The following SPEF2 variants were observed in gnomAD, a reference collection of about 807,000 sequenced individuals.
SPEF2 encodes sperm flagella and cilia-associated protein 2.
SPEF2 carries 187 observed loss-of-function variants against 224.6 expected under a neutral mutation model. The ratio of observed to expected loss-of-function variants is 0.83; its 90% CI spans 0.74 to 0.94. The LOEUF (loss-of-function observed/expected upper bound fraction) is 0.94. SPEF2 is among the 40% of genes least tolerant of loss of function. The pLI is 0.00. For missense variants in SPEF2, 2,170 were observed against 2,135.6 expected (o/e 1.02, Z -0.32); for synonymous variants, 715 against 707.3 (o/e 1.01, Z -0.17).
At chr5:35,713,054 C>T (rs1171403177) in intron 20 of SPEF2, among the ~76,000 whole-genome samples, 168 bp downstream of exon 20, 4 of 152,112 alleles carry the variant, frequency 2.6e-5, no homozygotes, top group African/African-American at 4.8e-5. Flanking sequence ...TGCATCCTGG[C>T]GCTTACCAAA....
intron 27 of SPEF2, among the ~76,000 whole-genome samples, chr5:35,772,376 A>C (rs938725421): frequency 6.6e-5 from 10 of 152,174 alleles, no homozygotes; most frequent in African/African-American, 2.4e-4. Flanking sequence ...GAAATGCTCT[A>C]GATGGATGCC....
chr5:35,743,017 AT>A (rs1214902886), intron 23 of SPEF2, among the ~76,000 whole-genome samples: 1 of 151,382 alleles, frequency 6.6e-6, no homozygotes, highest in African/African-American at 2.4e-5. Flanking sequence ...ATCTCATTTT[AT>A]TTTTTTCAGA....
At chr5:35,769,411 A>T (rs1156833216) in intron 26 of SPEF2, among the ~76,000 whole-genome samples, 1 of 152,090 alleles carries the variant, frequency 6.6e-6, no homozygotes, top group African/African-American at 2.4e-5. Context: ...GCAAAGGGAG[A>T]AAGAAAGAAA....
At chr5:35,765,915 T>C (rs1445928155) in intron 26 of SPEF2, among the ~76,000 whole-genome samples, 1 of 152,134 alleles carries the variant, frequency 6.6e-6, no homozygotes, top group Non-Finnish European at 1.5e-5. Flanking sequence ...TTTCTGTTAA[T>C]ATGAAAAATC....
chr5:35,780,587 A>G (rs1406515875), intron 30 of SPEF2, among the ~76,000 whole-genome samples: 3 of 152,202 alleles, frequency 2.0e-5, no homozygotes, highest in African/African-American at 7.2e-5. Flanking sequence ...TCAGTCCTTT[A>G]GTCAGACAGA....
intron 28 of SPEF2, among the ~76,000 whole-genome samples, chr5:35,775,321 A>C (rs1561345143): frequency 6.6e-6 from 1 of 152,112 alleles, no homozygotes; most frequent in Non-Finnish European, 1.5e-5. Context: ...GGAGTTCCTG[A>C]CTTACCAACG....
chr5:35,780,016 G>A (rs1369947927), intron 30 of SPEF2, among the ~76,000 whole-genome samples: 3 of 152,178 alleles, frequency 2.0e-5, no homozygotes, highest in Middle Eastern at 6.8e-3. Flanking sequence ...AGATCACATA[G>A]GATTATCATC....
intron 20 of SPEF2, 90 bp downstream of exon 20, chr5:35,712,976 C>CAAATCT: frequency 2.6e-6 from 3 of 1,134,484 alleles, no homozygotes; most frequent in South Asian, 1.5e-5. Flanking sequence ...TAGTAGTATA[C>CAAATCT]ATTGACCACT....
At chr5:35,731,194 C>T (rs547933405) in intron 21 of SPEF2, among the ~76,000 whole-genome samples, 1 of 152,006 alleles carries the variant, frequency 6.6e-6, no homozygotes, top group Non-Finnish European at 1.5e-5. Context: ...GAAATGAAGT[C>T]AAATTAATCA....
rs368475532 is a variant in SPEF2, at chr5:35,783,124, G to A, written c.4447+3778G>A. Among the ~76,000 whole-genome samples, 12 of 152,106 alleles carry A rather than the reference G, an allele frequency of 7.9e-5. No individual in the cohort carries two copies. The East Asian group carries it at 1.2e-3, about 15-fold the overall frequency. On this transcript the variant is annotated intron_variant, in intron 30 of 36. Transcript: ENST00000356031. ...GAATCATTCCTATGAGCGTACTACC[G>A]GCAGAGTTAGATCTAGTGAATATTT...
intron 36 of SPEF2, among the ~76,000 whole-genome samples, chr5:35,813,883 G>A (rs899336555): frequency 1.3e-5 from 2 of 151,326 alleles, no homozygotes; most frequent in African/African-American, 2.4e-5. Flanking sequence ...TTTTTCACAT[G>A]TTGGTACTCC....
At position 35,700,565 on chromosome 5, in the gene SPEF2, G is replaced by C. The variant is rs1179461357; in HGVS notation, c.2211G>C (p.Leu737=). 1 of 1,613,428 alleles carries C rather than the reference G, an allele frequency of 6.2e-7. No individual in the cohort carries two copies. The highest frequency in any genetic ancestry group is 8.5e-7 in the Non-Finnish European group (1 of 1,179,740). ...TGACTTTAAACCAAGCACAGCTTCT[G>C]GAAGAAGCTCTTACAGGCTGCAATA... The part of the protein sequence containing the change: ...FPMTLNQAQL[L]EEALTGCNRN... Residue 737 remains leucine (L), a synonymous_variant, in exon 16 of 37, where the codon CTG becomes CTC. Coordinates refer to ENST00000356031, the MANE Select transcript of SPEF2 (RefSeq NM_024867.4).
Position 35,806,743 on chromosome 5 carries a change from C to T in SPEF2, c.5047C>T (p.Pro1683Ser), listed in dbSNP as rs750197718. ...STDAGPAEEF[P>S]EPEENAAREE... is the part of the protein sequence containing the mutation. ...TGATGCAGGTCCAGCTGAGGAATTT[C>T]CTGAACCTGAGGAAAATGCTGCAAG... The change falls in exon 35 of 37, where the codon CCT becomes TCT. Residue 1683 changes from proline to serine, a missense_variant. Transcript: ENST00000356031. 6.8e-6 allele frequency: 11 copies of T among 1,613,886 alleles called. No homozygotes were observed. The Middle Eastern group carries it at 4.9e-4, about 73-fold the overall frequency.
rs567778837 is a variant in SPEF2, at chr5:35,798,390, C to T, written c.4831-1578C>T. Reference sequence around the variant, plus strand: ...TTGATCAAGCATGCAAGGCCTGCCCCGACCTTGGGAGTTCAGCCTCAGCAG... The same window carrying T: ...TTGATCAAGCATGCAAGGCCTGCCCTGACCTTGGGAGTTCAGCCTCAGCAG... On this transcript the variant is annotated intron_variant, in intron 33 of 36. Coordinates refer to ENST00000356031, the MANE Select transcript of SPEF2 (RefSeq NM_024867.4). Among the ~76,000 whole-genome samples the T allele has an allele frequency of 4.6e-5, 7 of 152,264 alleles. No homozygotes were observed. In the South Asian group the frequency reaches 1.0e-3, roughly 23 times the overall value.
At position 35,661,276 on chromosome 5, in the gene SPEF2, ATATATATATATATATATATATATT is replaced by A. The variant is rs1358467979; in HGVS notation, c.1167+2070_1167+2093del. ...ATATTATATATATATATATATATAT[ATATATATATATATATATATATATT>A]ATACACACATATATACACATATACC... is the stretch of plus-strand genomic sequence containing the variant. On this transcript the variant is annotated intron_variant, in intron 8 of 36. Coordinates refer to ENST00000356031, the MANE Select transcript of SPEF2 (RefSeq NM_024867.4). 8.3e-3 allele frequency among the ~76,000 whole-genome samples: 821 copies of A among 98,764 alleles called. 21 individuals are homozygous for A. Among genetic ancestry groups the A allele is most frequent in the African/African-American group, 0.039 (784 of 20,044 alleles). The allele number at this position is 98,764 out of a possible 152,430, so 64.8% of individuals were successfully genotyped here.
intron 26 of SPEF2, among the ~76,000 whole-genome samples, chr5:35,768,404 A>C (rs6883204): frequency 0.31 from 46,891 of 151,920 alleles, 7,300 homozygotes; most frequent in African/African-American, 0.34. Flanking sequence ...TGAGAAAATG[A>C]CACTGAAAAA....
intron 34 of SPEF2, among the ~76,000 whole-genome samples, chr5:35,804,621 A>C (rs1183895439): frequency 6.6e-6 from 1 of 152,194 alleles, no homozygotes; most frequent in African/African-American, 2.4e-5. Context: ...AGAGATCAAA[A>C]ATAGCAAACA....
At chr5:35,638,509 A>G (rs984413419) in intron 2 of SPEF2, among the ~76,000 whole-genome samples, 2 of 151,986 alleles carry the variant, frequency 1.3e-5, no homozygotes, top group Non-Finnish European at 2.9e-5. Flanking sequence ...ACCATGAGAA[A>G]CTTGTATTTA....
chr5:35,793,484 C>G, intron 32 of SPEF2, 143 bp downstream of exon 32: 3 of 749,058 alleles, frequency 4.0e-6, no homozygotes, highest in Non-Finnish European at 3.9e-6. Context: ...AGAGGCAGCA[C>G]AGGCAGTGTC....
Sources: gnomAD v4.1 joint callset for allele counts (sites outside exome capture counted in the v4.1 genomes callset) on GRCh38, gnomAD v4.1.1 for gene constraint, MANE v1.5 for transcripts, NCBI Gene and HGNC (gene_info 2026-07-23, HGNC 2026-07-21) for gene names.